OBSL1: variants seen among roughly 807,000 people sequenced by gnomAD.
OBSL1 encodes obscurin-like protein 1.
A neutral mutation model predicts 172.0 loss-of-function variants in OBSL1; 160 were observed. The observed-to-expected ratio is 0.93, with a 90% CI of 0.82 to 1.06. The LOEUF is 1.06. Among genes scored for constraint, OBSL1 ranks in the 50% least tolerant of loss-of-function variants. The pLI is 0.00. For missense variants in OBSL1, 2,681 were observed against 2,715.4 expected (o/e 0.99, Z 0.28); for synonymous variants, 1,200 against 1,196.3 (o/e 1.00, Z -0.06).
downstream of OBSL1, chr2:219,547,647 G>C: frequency 6.5e-7 from 1 of 1,529,490 alleles, no homozygotes; most frequent in Non-Finnish European, 8.8e-7. Flanking sequence ...CTGGGCATCG[G>C]GCTGCTCTGC....
In OBSL1 at chr2:219,557,570, C is replaced by T. The variant is rs77287119; in HGVS notation, c.3839G>A (p.Arg1280Gln). The T allele has an allele frequency of 2.6e-4, 409 of 1,549,894 alleles. 3 individuals are homozygous for T. The East Asian group carries it at 8.4e-3, about 32-fold the overall frequency. The change falls in exon 12 of 21, where the codon CGG becomes CAG. Residue 1280 changes from arginine (R) to glutamine (Q), a missense_variant. Transcript: ENST00000404537. ...CTCTAGGTCCCCGCCTGGGGTGCTC[C>T]GAACCCTCGTCTGGGCTGCCTCGGG... ...VAPEAAQTRV[R>Q]STPGGDLELV... is the part of the protein sequence containing the mutation.
chr2:219,563,406 ACT>A lies in OBSL1; in HGVS notation c.2627_2628del (p.Glu876ValfsTer8), dbSNP rs775721667. The stretch of plus-strand genomic sequence containing the variant: ...CACTCATCTCCAGCGACGCACTGAA[ACT>A]CGCCCCCGTCTGAGGGCTGGGTGGC... ...LPATQPSDGG[E>X]FQCVAGDECA... On this transcript the variant is annotated frameshift_variant, in exon 7 of 21. Coordinates refer to ENST00000404537, the MANE Select transcript of OBSL1 (RefSeq NM_015311.3). LOFTEE classifies it high-confidence loss of function. The A allele has an allele frequency of 1.9e-6, 3 of 1,609,572 alleles. No individual in the cohort carries two copies. Among genetic ancestry groups the A allele is most frequent in the Non-Finnish European group, 2.5e-6 (3 of 1,177,274 alleles).
chr2:219,552,799 C>A, intron 17 of OBSL1, 69 bp downstream of exon 17: 3 of 1,525,778 alleles, frequency 2.0e-6, no homozygotes, highest in Non-Finnish European at 2.6e-6. Context: ...TCATCAGGGT[C>A]CGGGGAAGAC....
chr2:219,553,048 T>C lies in OBSL1; in HGVS notation c.4990-24A>G, dbSNP rs540002132. The C allele has an allele frequency of 3.4e-6, 5 of 1,467,702 alleles. No homozygotes were observed. In the South Asian group the frequency reaches 5.4e-5, roughly 16 times the overall value. 90.9% of individuals were successfully genotyped at this position (1,467,702 alleles called of 1,614,324 possible). On this transcript the variant is annotated intron_variant, in intron 16 of 20. Coordinates refer to ENST00000404537, the MANE Select transcript of OBSL1 (RefSeq NM_015311.3). ...TCCTAGGGGCGGGAGTTGCAGAGGGTCGGGGCGAGCCCGGCTGGGCACAGG... is the reference window on the plus strand; with the variant it reads ...TCCTAGGGGCGGGAGTTGCAGAGGGCCGGGGCGAGCCCGGCTGGGCACAGG...
Position 219,552,757 on chromosome 2 carries a change from C to T in OBSL1, c.5147-60G>A, listed in dbSNP as rs1000456736. On this transcript the variant is annotated intron_variant, in intron 17 of 20. Coordinates refer to ENST00000404537, the MANE Select transcript of OBSL1 (RefSeq NM_015311.3). ...CAGAGGGCAGTTACCGGTCACGCCC[C>T]CTCCACGCCCCCTTTCTAGAAGCAC... The T allele has an allele frequency of 1.3e-5, 20 of 1,511,432 alleles. No individual in the cohort carries two copies. The African/African-American group carries it at 2.2e-4, about 17-fold the overall frequency. The allele number at this position is 1,511,432 out of a possible 1,614,324, so 93.6% of individuals were successfully genotyped here. A position where few individuals can be genotyped will look rare whatever the true frequency, so the allele number is the denominator to read the frequency against.
rs982973288 is a variant in OBSL1, at chr2:219,552,004, G to C, written c.5413+108C>G. 68 of 1,176,724 alleles carry C rather than the reference G, an allele frequency of 5.8e-5. 1 individual carries two copies. The East Asian group carries it at 1.7e-3, about 29-fold the overall frequency. The allele number at this position is 1,176,724 out of a possible 1,614,324, so 72.9% of individuals were successfully genotyped here. A position where few individuals can be genotyped will look rare whatever the true frequency, so the allele number is the denominator to read the frequency against. ...CCCGGCCCAGGAGAGCCCCTCGGGG[G>C]GAAGGGAAGAGAGAGGCAGCGTTCT... On this transcript the variant is annotated intron_variant, in intron 19 of 20. Transcript: ENST00000404537.
In OBSL1 at chr2:219,554,472, A is replaced by G; in HGVS notation, c.4876+2T>C. On this transcript the variant is annotated splice_donor_variant, in intron 15 of 20. Coordinates refer to ENST00000404537, the MANE Select transcript of OBSL1 (RefSeq NM_015311.3). LOFTEE classifies it high-confidence loss of function. ...GGCAGGCTGTGGTCCTGGAGGCCAC[A>G]CCTCTCACAATGAGTCTGGCTGCGC... The G allele has an allele frequency of 6.2e-7, 1 of 1,612,516 alleles. No homozygotes were observed. The highest frequency in any genetic ancestry group is 8.5e-7 in the Non-Finnish European group (1 of 1,179,392).
rs202040862 is a variant in OBSL1 at position 219,566,908 on chromosome 2, C to T, written c.2056G>A (p.Val686Ile). Residue 686 changes from valine (V) to isoleucine (I), a missense_variant, in exon 5 of 21, where the codon GTC (valine) becomes ATC (isoleucine). Val to Ile is a conservative substitution (Grantham distance 29). Coordinates refer to ENST00000404537, the MANE Select transcript of OBSL1 (RefSeq NM_015311.3). ...AGGGCACCGCTGTCCTGGTGCTTGA[C>T]GGCATGCAGGATGAGTCTGTGCTGC... ...GLQHRLILHA[V>I]KHQDSGALVG... The T allele has an allele frequency of 1.6e-4, 258 of 1,610,736 alleles. No individual in the cohort carries two copies. The highest frequency in any genetic ancestry group is 5.0e-4 in the Middle Eastern group (3 of 6,058).
At chr2:219,550,597 G>A (rs1695548876), downstream of OBSL1, 1 of 562,562 alleles carries the variant, frequency 1.8e-6, no homozygotes, top group African/African-American at 1.9e-5. Context: ...TGCCAGGAAT[G>A]GTGGTCTTTG....
At position 219,556,665 on chromosome 2, in the gene OBSL1, A is replaced by G; in HGVS notation, c.4125T>C (p.Asp1375=). 2 of 1,612,348 alleles carry G rather than the reference A, an allele frequency of 1.2e-6. No homozygotes were observed. The highest frequency in any genetic ancestry group is 1.7e-6 in the Non-Finnish European group (2 of 1,178,540). The change falls in exon 13 of 21, where the codon GAT becomes GAC. Residue 1375 remains aspartate (D), a synonymous_variant. Coordinates refer to ENST00000404537, the MANE Select transcript of OBSL1 (RefSeq NM_015311.3). ...ELTPLTVHEG[D]DATFRCEVSP... ...AGACTTCACACCGGAACGTGGCATC[A>G]TCGCCCTCGTGGACAGTGAGTGGTG...
chr2:219,551,834 A>G (rs540404984), intron 19 of OBSL1, 36 bp from the exon 20 acceptor site: 4 of 1,380,824 alleles, frequency 2.9e-6, no homozygotes, highest in African/African-American at 1.4e-5. Flanking sequence ...GTTAATAGGG[A>G]CACGCATGGC....
chr2:219,566,640 T>G (rs1696914847), intron 5 of OBSL1, among the ~76,000 whole-genome samples, 190 bp downstream of exon 5: 1 of 152,132 alleles, frequency 6.6e-6, no homozygotes, highest in South Asian at 2.1e-4. Context: ...TAACAAGGGG[T>G]GCCCTGGATG....
downstream of OBSL1, among the ~76,000 whole-genome samples, chr2:219,548,285 C>T (rs745745637): frequency 6.6e-6 from 1 of 152,222 alleles, no homozygotes; most frequent in African/African-American, 2.4e-5. Flanking sequence ...CGCACCAACC[C>T]CATTCCAGGC....
downstream of OBSL1, chr2:219,549,075 T>TTC (rs1559128050): frequency 6.5e-7 from 1 of 1,536,418 alleles, no homozygotes; most frequent in Non-Finnish European, 9.0e-7. Flanking sequence ...GAGCCACAGG[T>TTC]GGGATGAGAG....
Position 219,553,562 on chromosome 2 carries a change from CTGGGAT to C in OBSL1, c.4989+6_4989+11del. On this transcript the variant is annotated splice_donor_region_variant and intron_variant, in intron 16 of 20. Coordinates refer to ENST00000404537, the MANE Select transcript of OBSL1 (RefSeq NM_015311.3). ...TACACTGAAGTGGGCTTGGCTGGGG[CTGGGAT>C]CTGACCTTCTCCCAGGTAACATCAG... is the stretch of plus-strand genomic sequence containing the variant. 1.2e-6 allele frequency: 2 copies of C among 1,603,366 alleles called. No individual in the cohort carries two copies. The highest frequency in any genetic ancestry group is 2.2e-5 in the South Asian group (2 of 90,442).
rs1269713590 is a variant in OBSL1 at position 219,570,775 on chromosome 2, C to T, written c.458G>A (p.Gly153Asp). Residue 153 changes from glycine (G) to aspartate (D), a missense_variant, in exon 1 of 21, where the codon GGC (glycine) becomes GAC (aspartate). By Grantham distance (94) the Gly-to-Asp change is moderately conservative. Transcript: ENST00000404537. ...AEVVLTCRAG[G>D]LPEPTLYWEK... is the part of the protein sequence containing the mutation. ...CCAGTACAGTGTGGGCTCGGGGAGG[C>T]CCCCCGCCCGGCACGTCAGCACCAC... 14 of 1,489,338 alleles carry T rather than the reference C, an allele frequency of 9.4e-6. No individual in the cohort carries two copies. Among genetic ancestry groups the T allele is most frequent in the East Asian group, 2.9e-5 (1 of 34,242 alleles). 92.3% of individuals were successfully genotyped at this position (1,489,338 alleles called of 1,614,324 possible). A position where few individuals can be genotyped will look rare whatever the true frequency, so the allele number is the denominator to read the frequency against.
Position 219,551,703 on chromosome 2 carries a change from C to T in OBSL1, c.5509G>A (p.Gly1837Ser). ...CCCTCCCGCAGCCAGCACACGTGGC[C>T]CCCCGAGCGGGACACAGTCACCTCC... ...VLEVTVSRSG[G>S]HVCWLREGAE... is the part of the protein sequence containing the mutation. The change falls in exon 20 of 21, where the codon GGC (glycine) becomes AGC (serine). Residue 1837 changes from glycine to serine, a missense_variant. Gly to Ser is a moderately conservative substitution (Grantham distance 56). Around this residue, in one of 5 missense-constraint regions of OBSL1, gnomAD observed 1,765 missense variants for 1,748.3 expected, o/e 1.01. Coordinates refer to ENST00000404537, the MANE Select transcript of OBSL1 (RefSeq NM_015311.3). 1 of 1,610,818 alleles carries T rather than the reference C, an allele frequency of 6.2e-7. No individual in the cohort carries two copies.
At chr2:219,552,032 G>C in intron 19 of OBSL1, 80 bp downstream of exon 19, 3 of 1,397,286 alleles carry the variant, frequency 2.1e-6, no homozygotes, top group Non-Finnish European at 3.0e-6. Flanking sequence ...AGCGTTCTTG[G>C]GGCCAGCCCC....
In OBSL1 at chr2:219,570,310, T is replaced by A. The variant is rs1353603496; in HGVS notation, c.923A>T (p.Tyr308Phe). The change falls in exon 1 of 21, where the codon TAC becomes TTC. Residue 308 changes from tyrosine (Y) to phenylalanine (F), a missense_variant. Physicochemically the swap from Tyr to Phe is conservative, Grantham distance 22. This residue lies in a region of OBSL1 where 706 missense variants were observed against 695.8 expected (regional missense o/e 1.01). Transcript: ENST00000404537. ...GAGCCCACGATCCTTGGCCTGGCAG[T>A]AAAGCACCTTGAGCACGAAGCCGCC... is the stretch of plus-strand genomic sequence containing the variant. ...RDGGFVLKVL[Y>F]CQAKDRGLYV... 1 of 1,611,436 alleles carries A rather than the reference T, an allele frequency of 6.2e-7. No homozygotes were observed.
Sources: allele counts gnomAD v4.1 joint callset (sites outside exome capture counted in the v4.1 genomes callset), GRCh38; gene constraint gnomAD v4.1.1; regional missense constraint gnomAD v4.1.1; transcripts MANE v1.5; gene names NCBI Gene and HGNC (gene_info 2026-07-23, HGNC 2026-07-21).